Variants in DAAM2 observed in about 807,000 individuals in gnomAD.
DAAM2 encodes disheveled-associated activator of morphogenesis 2.
DAAM2 carries 39 observed loss-of-function variants against 120.7 expected under a neutral mutation model. The ratio of observed to expected loss-of-function variants is 0.32; its 90% CI spans 0.25 to 0.42. DAAM2 has a LOEUF of 0.42. Among genes scored for constraint, DAAM2 ranks in the 10% least tolerant of loss-of-function variants. The probability of loss-of-function intolerance (pLI) is 1.00; values close to 1 mark genes in which losing one functional copy is unlikely to be tolerated. For missense variants in DAAM2, 1,283 were observed against 1,401.7 expected, an observed-to-expected ratio of 0.92 and a Z score of 1.35; for synonymous variants, 488 against 524.9, an observed-to-expected ratio of 0.93 and a Z score of 0.96.
Position 39,903,482 on chromosome 6 carries a change from C to T in DAAM2, c.*1445C>T, listed in dbSNP as rs143891122. ...GGTGGATGGGATGGCTGTATCTAGA[C>T]AAAATTTTTCTAAAACTCCATCAAG... On this transcript the variant is annotated 3_prime_UTR_variant, in exon 25 of 25. Transcript: ENST00000274867. 37 of 152,358 alleles carry T rather than the reference C, an allele frequency of 2.4e-4. No homozygotes were observed. The highest frequency in any genetic ancestry group is 8.9e-4 in the African/African-American group (37 of 41,570). The allele number at this position is 152,358 out of a possible 1,614,324, so 9.4% of individuals were successfully genotyped here.
intron 1 of DAAM2, chr6:39,855,911 T>C (rs1763982547): frequency 2.4e-6 from 1 of 422,900 alleles, no homozygotes; most frequent in African/African-American, 2.2e-5. Flanking sequence ...GTCCACACAT[T>C]TATGGAAAGT....
intron 19 of DAAM2, 81 bp from the exon 20 acceptor site, chr6:39,896,731 G>A (rs1766114785): frequency 1.3e-5 from 16 of 1,269,640 alleles, no homozygotes; most frequent in Admixed American, 3.2e-5. Context: ...TGAACTTTGC[G>A]GTGGCATCTT....
intron 19 of DAAM2, among the ~76,000 whole-genome samples, chr6:39,893,793 G>A (rs1198503943): frequency 6.6e-6 from 1 of 152,162 alleles, no homozygotes; most frequent in African/African-American, 2.4e-5. Flanking sequence ...ACTATAAGTG[G>A]AGAAAAGAGG....
At chr6:39,813,708 C>A (rs575102731) in intron 1 of DAAM2, among the ~76,000 whole-genome samples, 1 of 152,182 alleles carries the variant, frequency 6.6e-6, no homozygotes, top group African/African-American at 2.4e-5. Context: ...TCCTCTGCCC[C>A]CTTTCCCACA....
At chr6:39,819,940 A>G (rs572103172) in intron 1 of DAAM2, 1 of 152,242 alleles carries the variant, frequency 6.6e-6, no homozygotes, top group South Asian at 2.1e-4. Flanking sequence ...TTCTGCCTCA[A>G]CCTATGAATT....
intron 6 of DAAM2, chr6:39,868,265 AC>A (rs1398484460): frequency 4.1e-6 from 1 of 241,526 alleles, no homozygotes; most frequent in African/African-American, 2.2e-5. Context: ...GGACACTGGG[AC>A]CATCCCTGGG....
intron 1 of DAAM2, among the ~76,000 whole-genome samples, chr6:39,818,160 CAG>C (rs1762365159): frequency 8.1e-6 from 1 of 123,476 alleles, no homozygotes; most frequent in Non-Finnish European, 1.6e-5. Flanking sequence ...GCCTGGGTGA[CAG>C]AGTGAAACTG....
intron 14 of DAAM2, among the ~76,000 whole-genome samples, chr6:39,880,785 A>G (rs1765082423): frequency 6.6e-6 from 1 of 152,174 alleles, no homozygotes; most frequent in Non-Finnish European, 1.5e-5. Context: ...CTCCAATCTG[A>G]GTTACTTAAG....
At chr6:39,830,071 C>T (rs1298803449) in intron 1 of DAAM2, among the ~76,000 whole-genome samples, 2 of 152,078 alleles carry the variant, frequency 1.3e-5, no homozygotes, top group South Asian at 2.1e-4. Context: ...ACCCCCTTTC[C>T]GACTGGGAGA....
At chr6:39,838,666 C>CT (rs1295259670) in intron 1 of DAAM2, among the ~76,000 whole-genome samples, 5 of 151,900 alleles carry the variant, frequency 3.3e-5, no homozygotes, top group Non-Finnish European at 7.4e-5. Context: ...TTTTCTTTTT[C>CT]TTTTTTGAGA....
intron 1 of DAAM2, among the ~76,000 whole-genome samples, chr6:39,828,014 T>G (rs933971605): frequency 6.6e-6 from 1 of 152,140 alleles, no homozygotes; most frequent in Non-Finnish European, 1.5e-5. Flanking sequence ...CCCACCAATT[T>G]CAGGTAGTAG....
chr6:39,817,772 G>A (rs919108674), intron 1 of DAAM2, among the ~76,000 whole-genome samples: 4 of 152,062 alleles, frequency 2.6e-5, no homozygotes, highest in Non-Finnish European at 5.9e-5. Flanking sequence ...GGGGGACCTC[G>A]GTCATTTTCT....
At position 39,901,698 on chromosome 6, in the gene DAAM2, C is replaced by A; in HGVS notation, c.2983-115C>A. Reference sequence around the variant, plus strand: ...CTAGGCAGGAAGAAAGTGGGGCCAACAGATACAGGCAGGCAGCATGACCAT... The same window carrying A: ...CTAGGCAGGAAGAAAGTGGGGCCAAAAGATACAGGCAGGCAGCATGACCAT... On this transcript the variant is annotated intron_variant, in intron 24 of 24. Transcript: ENST00000274867. This position sits in a 1 kb window ranked among gnomAD's most constrained non-coding sequence, Gnocchi z 4.5. The A allele has an allele frequency of 1.9e-6, 2 of 1,081,058 alleles. No individual in the cohort carries two copies. Among genetic ancestry groups the A allele is most frequent in the Non-Finnish European group, 2.6e-6 (2 of 775,604 alleles). The allele number at this position is 1,081,058 out of a possible 1,614,324, so 67.0% of individuals were successfully genotyped here.
At chr6:39,824,191 C>A (rs1300115195) in intron 1 of DAAM2, among the ~76,000 whole-genome samples, 1 of 152,208 alleles carries the variant, frequency 6.6e-6, no homozygotes, top group Non-Finnish European at 1.5e-5. Flanking sequence ...GCTATCTCTG[C>A]AGCCTCCCCC....
intron 1 of DAAM2, among the ~76,000 whole-genome samples, chr6:39,799,827 C>A (rs904480680): frequency 6.6e-5 from 10 of 152,180 alleles, no homozygotes; most frequent in Non-Finnish European, 1.5e-4. Flanking sequence ...CCCTTCTACA[C>A]CCTGGTAATT....
At chr6:39,880,937 C>G (rs1478869550) in intron 14 of DAAM2, among the ~76,000 whole-genome samples, 4 of 152,198 alleles carry the variant, frequency 2.6e-5, no homozygotes, top group Admixed American at 6.5e-5. Context: ...GCCAACCGCT[C>G]TGCAGAACGT....
chr6:39,897,885 GTGTTGAC>G (rs1460365710), intron 21 of DAAM2, among the ~76,000 whole-genome samples: 1 of 152,190 alleles, frequency 6.6e-6, no homozygotes, highest in Non-Finnish European at 1.5e-5. Flanking sequence ...GAGGTTTATT[GTGTTGAC>G]TGTATGGGCA....
chr6:39,896,576 T>A (rs1204959795), intron 19 of DAAM2, among the ~76,000 whole-genome samples: 1 of 152,208 alleles, frequency 6.6e-6, no homozygotes, highest in Non-Finnish European at 1.5e-5. Flanking sequence ...TGGCACGTCC[T>A]ACAAATGGGG....
At chr6:39,811,697 C>T (rs1762166536) in intron 1 of DAAM2, among the ~76,000 whole-genome samples, 1 of 152,152 alleles carries the variant, frequency 6.6e-6, no homozygotes, top group Non-Finnish European at 1.5e-5. Context: ...TTGGCCTTCT[C>T]TGTTAGGCTG....
Sources: allele counts gnomAD v4.1 joint callset (sites outside exome capture counted in the v4.1 genomes callset), GRCh38; gene constraint gnomAD v4.1.1; non-coding constraint Gnocchi (gnomAD v3.1); transcripts MANE v1.5; gene names NCBI Gene and HGNC (gene_info 2026-07-23, HGNC 2026-07-21).